The following INTS3 variants were observed in gnomAD, a reference collection of about 807,000 sequenced individuals.
The protein encoded by INTS3 is integrator complex subunit 3, also known as SOSS complex subunit A.
Under a neutral mutation model 146.3 loss-of-function variants are expected in INTS3, and 34 were observed. That is an observed-to-expected ratio of 0.23 (90% CI 0.18 to 0.31). INTS3 has a LOEUF of 0.31. INTS3 is among the 10% of genes least tolerant of loss of function. The pLI is 1.00. For synonymous variants in INTS3, 475 were observed against 494.9 expected (o/e 0.96, Z 0.53); for missense variants, 757 against 1,304.2 (o/e 0.58, Z 6.46).
In INTS3 at chr1:153,772,774, C is replaced by A; in HGVS notation, c.2894+63C>A. The A allele has an allele frequency of 6.3e-7, 1 of 1,590,218 alleles. No homozygotes were observed. Among genetic ancestry groups the A allele is most frequent in the Non-Finnish European group, 8.6e-7 (1 of 1,167,222 alleles). On this transcript the variant is annotated intron_variant, in intron 28 of 29. Transcript: ENST00000318967. This position sits in a 1 kb window ranked among gnomAD's most constrained non-coding sequence, Gnocchi z 4.6. ...GGGGAAAAGCCTAAGGGAGAGGAAGCCTGCTAGGGACATAAACGTAATGGC... is the reference window on the plus strand; with the variant it reads ...GGGGAAAAGCCTAAGGGAGAGGAAGACTGCTAGGGACATAAACGTAATGGC...
intron 1 of INTS3, among the ~76,000 whole-genome samples, chr1:153,731,874 C>T (rs1190198145): frequency 2.7e-5 from 4 of 147,704 alleles, no homozygotes; most frequent in African/African-American, 7.5e-5. Flanking sequence ...CTTGAGCCAC[C>T]GCACCTGGCC....
chr1:153,731,503 T>C lies in INTS3; in HGVS notation c.150+2719T>C, dbSNP rs11586540. Among the ~76,000 whole-genome samples the C allele has an allele frequency of 3.0e-3, 451 of 151,868 alleles. 3 individuals are homozygous for C. The highest frequency in any genetic ancestry group is 6.9e-3 in the South Asian group (33 of 4,804). On this transcript the variant is annotated intron_variant, in intron 1 of 29. Coordinates refer to ENST00000318967, the MANE Select transcript of INTS3 (RefSeq NM_023015.5). ...TCCTAATCTCATGAGCCTTGGTAGC[T>C]CCTGGTTTTTCTTCTGCCAAAGAGG...
chr1:153,738,403 T>C (rs1671382510), intron 1 of INTS3, among the ~76,000 whole-genome samples: 1 of 152,184 alleles, frequency 6.6e-6, no homozygotes, highest in South Asian at 2.1e-4. Context: ...CCTTAAGCAT[T>C]TTTGACAGGC....
At chr1:153,760,441 G>A (rs778067328) in intron 12 of INTS3, 51 bp downstream of exon 12, 7 of 1,456,962 alleles carry the variant, frequency 4.8e-6, no homozygotes, top group Non-Finnish European at 6.7e-6. Context: ...GCAGAATTCA[G>A]TGTATCTCCC....
chr1:153,763,208 T>C, intron 15 of INTS3, 25 bp from the exon 16 acceptor site: 1 of 1,614,158 alleles, frequency 6.2e-7, no homozygotes, highest in African/African-American at 1.3e-5. Flanking sequence ...GCAAACTGAC[T>C]TCTTTCCCAA....
At chr1:153,762,349 C>T (rs1672413482) in intron 14 of INTS3, among the ~76,000 whole-genome samples, 1 of 152,210 alleles carries the variant, frequency 6.6e-6, no homozygotes, top group Non-Finnish European at 1.5e-5. Flanking sequence ...AAGGCTGAGA[C>T]ATGAGAATTA....
At chr1:153,747,154 G>GGGCTA in intron 4 of INTS3, 84 bp downstream of exon 4, 2 of 1,271,316 alleles carry the variant, frequency 1.6e-6, no homozygotes, top group Non-Finnish European at 2.3e-6. Context: ...AGAGGAATCA[G>GGGCTA]GGCTAACACA....
At chr1:153,767,331 C>T (rs1053290980) in intron 20 of INTS3, 2 of 238,148 alleles carry the variant, frequency 8.4e-6, no homozygotes, top group Non-Finnish European at 1.6e-5. Flanking sequence ...TGAGGTGTCA[C>T]TGCCCTCATG....
Position 153,747,128 on chromosome 1 carries a change from C to CTGTCAGGAA in INTS3, c.432+59_432+67dup, listed in dbSNP as rs1671779253. 3 of 1,385,124 alleles carry CTGTCAGGAA rather than the reference C, an allele frequency of 2.2e-6. No individual in the cohort carries two copies. In the Admixed American group the frequency reaches 5.1e-5, roughly 24 times the overall value. The allele number at this position is 1,385,124 out of a possible 1,614,324, so 85.8% of individuals were successfully genotyped here. A position where few individuals can be genotyped will look rare whatever the true frequency, so the allele number is the denominator to read the frequency against. ...CAAAGAGAGAGGATGGATCTTCTCT[C>CTGTCAGGAA]TGTCAGGAACGGGAAAGAGGAATCA... On this transcript the variant is annotated intron_variant, in intron 4 of 29. Coordinates refer to ENST00000318967, the MANE Select transcript of INTS3 (RefSeq NM_023015.5).
intron 3 of INTS3, among the ~76,000 whole-genome samples, chr1:153,744,036 TGC>T (rs1282051743): frequency 3.3e-4 from 40 of 119,954 alleles, no homozygotes; most frequent in African/African-American, 1.2e-3. Flanking sequence ...GGTGTGCATG[TGC>T]GTGTGTGTGT....
chr1:153,773,784 G>A lies in INTS3; in HGVS notation c.*514G>A, dbSNP rs987851359. On this transcript the variant is annotated 3_prime_UTR_variant, in exon 30 of 30. Coordinates refer to ENST00000318967, the MANE Select transcript of INTS3 (RefSeq NM_023015.5). ...CCAGTGTGAAATGGGCATCTATGAC[G>A]TGGTCAGGGTGTCCATTCCTAATCA... 7 of 176,930 alleles carry A rather than the reference G, an allele frequency of 4.0e-5. No individual in the cohort carries two copies. Among genetic ancestry groups the A allele is most frequent in the African/African-American group, 4.8e-5 (2 of 41,604 alleles). The allele number at this position is 176,930 out of a possible 1,614,324, so 11.0% of individuals were successfully genotyped here.
intron 1 of INTS3, among the ~76,000 whole-genome samples, chr1:153,729,865 CAAAAA>C (rs59539957): frequency 7.8e-6 from 1 of 127,816 alleles, no homozygotes; most frequent in African/African-American, 3.0e-5. Flanking sequence ...GACCCCGTCT[CAAAAA>C]AAAAAAAAAA....
rs753198091 is a variant in INTS3, at chr1:153,762,537, C to G, written c.1517-191C>G. ...TGTTGCTCTTATTCCTGGCAACATC[C>G]CTCTGCAGGTCATGGAGGGTTGTGA... On this transcript the variant is annotated intron_variant, in intron 14 of 29. Transcript: ENST00000318967. Among the ~76,000 whole-genome samples, 127 of 152,148 alleles carry G rather than the reference C, an allele frequency of 8.3e-4. 1 individual carries two copies. The highest frequency in any genetic ancestry group is 2.2e-4 in the Non-Finnish European group (15 of 68,024).
chr1:153,771,618 C>G (rs1199944223), intron 25 of INTS3, among the ~76,000 whole-genome samples, 178 bp from the exon 26 acceptor site: 1 of 152,182 alleles, frequency 6.6e-6, no homozygotes, highest in Non-Finnish European at 1.5e-5. Context: ...CTCACTTCTT[C>G]TCTCCTGGCT....
chr1:153,738,890 T>G (rs1478743225), intron 1 of INTS3, among the ~76,000 whole-genome samples: 1 of 148,682 alleles, frequency 6.7e-6, no homozygotes, highest in Non-Finnish European at 1.5e-5. Flanking sequence ...TAATATTAAG[T>G]GTCTTTTTTT....
intron 3 of INTS3, among the ~76,000 whole-genome samples, chr1:153,745,050 GGTT>G (rs1190812186): frequency 6.6e-6 from 1 of 151,588 alleles, no homozygotes; most frequent in Non-Finnish European, 1.5e-5. Context: ...TATTTTAAAA[GGTT>G]GTTATGTATA....
At chr1:153,743,171 C>T (rs1348422600) in intron 3 of INTS3, among the ~76,000 whole-genome samples, 3 of 152,312 alleles carry the variant, frequency 2.0e-5, no homozygotes, top group South Asian at 4.1e-4. Context: ...TTCTGTCCTA[C>T]AGAAGTTTTA....
chr1:153,766,276 C>T (rs1159709013), intron 20 of INTS3, among the ~76,000 whole-genome samples: 1 of 151,606 alleles, frequency 6.6e-6, no homozygotes, highest in African/African-American at 2.4e-5. Flanking sequence ...CACAGATCTT[C>T]ACGCCCAGCT....
At position 153,773,288 on chromosome 1, in the gene INTS3, C is replaced by A. The variant is rs746147769; in HGVS notation, c.*18C>A. ...GTGACTGAGGCCCTGCATTCCCCAT[C>A]CCACCCCCGGCTGGACTGCCCTCTC... is the stretch of plus-strand genomic sequence containing the variant. On this transcript the variant is annotated 3_prime_UTR_variant, in exon 30 of 30. Coordinates refer to ENST00000318967, the MANE Select transcript of INTS3 (RefSeq NM_023015.5). The A allele has an allele frequency of 6.2e-7, 1 of 1,609,474 alleles. No individual in the cohort carries two copies. Among genetic ancestry groups the A allele is most frequent in the South Asian group, 1.1e-5 (1 of 90,996 alleles).
Sources: allele counts gnomAD v4.1 joint callset (sites outside exome capture counted in the v4.1 genomes callset), GRCh38; gene constraint gnomAD v4.1.1; non-coding constraint Gnocchi (gnomAD v3.1); transcripts MANE v1.5; gene names NCBI Gene and HGNC (gene_info 2026-07-23, HGNC 2026-07-21).